PTPRG: variants seen among roughly 807,000 people sequenced by gnomAD.
PTPRG encodes receptor-type tyrosine-protein phosphatase gamma.
In PTPRG, 102 loss-of-function variants were observed where a neutral mutation model predicts 165.3. The ratio of observed to expected loss-of-function variants is 0.62; its 90% CI spans 0.53 to 0.73. The LOEUF is 0.73. Ranked by LOEUF, PTPRG falls within the 30% of genes least tolerant of loss-of-function variation. The probability of loss-of-function intolerance (pLI) is 0.00; values close to 1 mark genes in which losing one functional copy is unlikely to be tolerated. For missense variants in PTPRG, 1,866 were observed against 1,861.4 expected, an observed-to-expected ratio of 1.00 and a Z score of -0.05; for synonymous variants, 675 against 669.5, an observed-to-expected ratio of 1.01 and a Z score of -0.13.
intron 4 of PTPRG, among the ~76,000 whole-genome samples, chr3:62,051,387 A>G (rs1189972472): frequency 6.6e-6 from 1 of 152,200 alleles, no homozygotes; most frequent in Non-Finnish European, 1.5e-5. Context: ...TCCCAGTGAC[A>G]TGATTGTGCA....
intron 2 of PTPRG, among the ~76,000 whole-genome samples, chr3:61,775,231 G>T (rs963809957): frequency 6.6e-6 from 1 of 151,958 alleles, no homozygotes; most frequent in Non-Finnish European, 1.5e-5. Flanking sequence ...CCACCACACC[G>T]GGATACTTTT....
At chr3:61,740,555 A>G (rs1352203741) in intron 1 of PTPRG, among the ~76,000 whole-genome samples, 3 of 151,968 alleles carry the variant, frequency 2.0e-5, no homozygotes, top group Non-Finnish European at 4.4e-5. Context: ...TTTTTAATAG[A>G]TTCTGCCCTT....
chr3:61,804,680 A>C (rs2035356873), intron 2 of PTPRG, among the ~76,000 whole-genome samples: 1 of 102,718 alleles, frequency 9.7e-6, no homozygotes, highest in African/African-American at 3.8e-5. Context: ...TTCTCTCTCC[A>C]AAAAAAAAAA....
At chr3:62,107,588 T>C (rs1702516780) in intron 5 of PTPRG, among the ~76,000 whole-genome samples, 1 of 152,218 alleles carries the variant, frequency 6.6e-6, no homozygotes, top group African/African-American at 2.4e-5. Context: ...TTTTGAATAA[T>C]ATATGGTACG....
At chr3:62,159,328 C>G (rs1329835346) in intron 7 of PTPRG, among the ~76,000 whole-genome samples, 1 of 144,190 alleles carries the variant, frequency 6.9e-6, no homozygotes, top group East Asian at 2.0e-4. Flanking sequence ...GAGACTGTCT[C>G]AAAAAAAAAA....
chr3:62,266,419 T>A (rs1701876609), intron 17 of PTPRG, among the ~76,000 whole-genome samples: 1 of 152,096 alleles, frequency 6.6e-6, no homozygotes, highest in African/African-American at 2.4e-5. Flanking sequence ...TATTTGTCAG[T>A]CTAAGAAATA....
At chr3:61,701,751 T>G (rs1022842232) in intron 1 of PTPRG, among the ~76,000 whole-genome samples, 1 of 151,944 alleles carries the variant, frequency 6.6e-6, no homozygotes, top group African/African-American at 2.4e-5. Context: ...AAAAAAATTA[T>G]CCAGGTGTCG....
chr3:62,064,614 C>T (rs973678761), intron 4 of PTPRG, among the ~76,000 whole-genome samples: 2 of 151,482 alleles, frequency 1.3e-5, no homozygotes, highest in Non-Finnish European at 2.9e-5. Context: ...GTATATGCAG[C>T]ACTTGTGGCA....
chr3:61,930,837 A>G (rs771532839), intron 2 of PTPRG, among the ~76,000 whole-genome samples: 26 of 152,128 alleles, frequency 1.7e-4, no homozygotes, highest in Non-Finnish European at 2.5e-4. Flanking sequence ...AGGCCGGTGG[A>G]TCATCACGAG....
At chr3:61,727,432 A>G (rs1012377359) in intron 1 of PTPRG, among the ~76,000 whole-genome samples, 1 of 152,186 alleles carries the variant, frequency 6.6e-6, no homozygotes, top group African/African-American at 2.4e-5. Context: ...GATTATGGGC[A>G]TGACCCACGG....
intron 2 of PTPRG, among the ~76,000 whole-genome samples, chr3:61,772,733 G>T (rs532015188): frequency 2.6e-5 from 4 of 152,296 alleles, no homozygotes; most frequent in South Asian, 4.1e-4. Context: ...TTTCCTTCAT[G>T]ATGGACATTC....
chr3:61,948,946 AG>A (rs1210743956), intron 2 of PTPRG, among the ~76,000 whole-genome samples: 2 of 152,096 alleles, frequency 1.3e-5, no homozygotes, highest in Non-Finnish European at 2.9e-5. Flanking sequence ...TGTCAGGGAA[AG>A]AGAAAGGCAT....
intron 2 of PTPRG, among the ~76,000 whole-genome samples, chr3:61,902,276 A>G (rs2038518255): frequency 6.6e-6 from 1 of 152,182 alleles, no homozygotes; most frequent in South Asian, 2.1e-4. Context: ...TTTGGAAAGA[A>G]TTAGGTGGGA....
chr3:62,266,540 C>A (rs1176528178), intron 17 of PTPRG, among the ~76,000 whole-genome samples: 1 of 151,964 alleles, frequency 6.6e-6, no homozygotes, highest in Non-Finnish European at 1.5e-5. Flanking sequence ...TTCATGTCAA[C>A]TGTAAACTGA....
In PTPRG at chr3:62,228,399, G is replaced by T. The variant is rs1000987970; in HGVS notation, c.2289-2826G>T. ...TAGCCGGATGTGGTGGTGGGTGCCT[G>T]TAATCCCAGCTACTTGGGAGGCTGA... On this transcript the variant is annotated intron_variant, in intron 13 of 29. Transcript: ENST00000474889. This position sits in a 1 kb window ranked among gnomAD's most constrained non-coding sequence, Gnocchi z 4.1. 1.3e-5 allele frequency among the ~76,000 whole-genome samples: 2 copies of T among 151,860 alleles called. No homozygotes were observed. Among genetic ancestry groups the T allele is most frequent in the African/African-American group, 4.8e-5 (2 of 41,338 alleles).
At chr3:62,109,598 G>T (rs771523711) in intron 5 of PTPRG, among the ~76,000 whole-genome samples, 1 of 152,116 alleles carries the variant, frequency 6.6e-6, no homozygotes, top group Admixed American at 6.6e-5. Flanking sequence ...AGCTGGTGCA[G>T]CAGTGGGTTG....
In PTPRG at chr3:61,699,074, C is replaced by G. The variant is rs112163746; in HGVS notation, c.86-49804C>G. On this transcript the variant is annotated intron_variant, in intron 1 of 29. Coordinates refer to ENST00000474889, the MANE Select transcript of PTPRG (RefSeq NM_002841.4). ...TTAGGAGATACACCTAATGTTAAATCACGAGTTAATGGGTGCAGCACAGCA... is the reference window on the plus strand; with the variant it reads ...TTAGGAGATACACCTAATGTTAAATGACGAGTTAATGGGTGCAGCACAGCA... Among the ~76,000 whole-genome samples, 460 of 152,080 alleles carry G rather than the reference C, an allele frequency of 3.0e-3. 2 individuals carry two copies. The highest frequency in any genetic ancestry group is 7.3e-3 in the African/African-American group (302 of 41,472).
At chr3:61,996,015 G>A (rs1165229807) in intron 3 of PTPRG, among the ~76,000 whole-genome samples, 1 of 151,996 alleles carries the variant, frequency 6.6e-6, no homozygotes, top group Non-Finnish European at 1.5e-5. Flanking sequence ...GCCTGATTCT[G>A]CCTGTTTTCA....
intron 2 of PTPRG, among the ~76,000 whole-genome samples, chr3:61,963,105 T>C (rs1325883608): frequency 6.6e-6 from 1 of 152,204 alleles, no homozygotes; most frequent in African/African-American, 2.4e-5. Context: ...AATTAAATTA[T>C]ATATGTTCGT....
Sources: allele counts gnomAD v4.1 joint callset (sites outside exome capture counted in the v4.1 genomes callset), GRCh38; gene constraint gnomAD v4.1.1; non-coding constraint Gnocchi (gnomAD v3.1); transcripts MANE v1.5; gene names NCBI Gene and HGNC (gene_info 2026-07-23, HGNC 2026-07-21).